Variants in DPT observed in about 807,000 individuals in gnomAD.
DPT encodes the protein tyrosine-rich acidic matrix protein.
A neutral mutation model predicts 31.2 loss-of-function variants in DPT; 21 were observed. That is an observed-to-expected ratio of 0.67 (90% CI 0.48 to 0.97). DPT has a LOEUF of 0.97. DPT is among the 50% of genes least tolerant of loss of function. DPT has a pLI of 0.00. For missense variants in DPT, 262 were observed against 258.8 expected, an observed-to-expected ratio of 1.01 and a Z score of -0.08; for synonymous variants, 91 against 86.9, an observed-to-expected ratio of 1.05 and a Z score of -0.26.
chr1:168,703,901 T>G (rs1649657925), intron 2 of DPT, among the ~76,000 whole-genome samples: 1 of 152,182 alleles, frequency 6.6e-6, no homozygotes, highest in African/African-American at 2.4e-5. Flanking sequence ...GTGGCTGCAT[T>G]TAGCGCTTGA....
At chr1:168,726,747 G>A (rs151129100) in intron 1 of DPT, among the ~76,000 whole-genome samples, 2 of 152,364 alleles carry the variant, frequency 1.3e-5, no homozygotes, top group African/African-American at 4.8e-5. Flanking sequence ...GTTGTAATTA[G>A]GTCATTGCCA....
chr1:168,698,069 C>A (rs562267831), intron 3 of DPT, among the ~76,000 whole-genome samples: 1 of 152,322 alleles, frequency 6.6e-6, no homozygotes, highest in African/African-American at 2.4e-5. Context: ...TGCAAGCCCT[C>A]TTTTCAACAA....
Position 168,718,090 on chromosome 1 carries a change from C to T in DPT, c.306-3744G>A, listed in dbSNP as rs907627905. Among the ~76,000 whole-genome samples the T allele has an allele frequency of 4.6e-5, 7 of 152,370 alleles. No individual in the cohort carries two copies. The South Asian group carries it at 1.2e-3, about 27-fold the overall frequency. Reference sequence around the variant, plus strand: ...CTGTTCTCCTACCATCACTAAAATGCTGCCTTCCTCTAAAACAAAGCCCTT... The same window carrying T: ...CTGTTCTCCTACCATCACTAAAATGTTGCCTTCCTCTAAAACAAAGCCCTT... On this transcript the variant is annotated intron_variant, in intron 1 of 3. Coordinates refer to ENST00000367817, the MANE Select transcript of DPT (RefSeq NM_001937.5).
chr1:168,701,520 G>T (rs1649597041), intron 2 of DPT, among the ~76,000 whole-genome samples: 1 of 152,094 alleles, frequency 6.6e-6, no homozygotes, highest in South Asian at 2.1e-4. Flanking sequence ...CTTTAAAAGA[G>T]ACATAAAATA....
chr1:168,726,837 A>G (rs1408830987), intron 1 of DPT, among the ~76,000 whole-genome samples: 2 of 152,244 alleles, frequency 1.3e-5, no homozygotes, highest in Non-Finnish European at 2.9e-5. Flanking sequence ...CTGAATCAGC[A>G]TCTGTCAGAA....
chr1:168,723,827 A>AT (rs1281591508), intron 1 of DPT, among the ~76,000 whole-genome samples: 1 of 152,024 alleles, frequency 6.6e-6, no homozygotes, highest in Admixed American at 6.6e-5. Flanking sequence ...CCTTATATTT[A>AT]TTTTTTTAAA....
At chr1:168,727,615 G>T (rs1391783545) in intron 1 of DPT, among the ~76,000 whole-genome samples, 1 of 149,140 alleles carries the variant, frequency 6.7e-6, no homozygotes, top group African/African-American at 2.5e-5. Flanking sequence ...ATGGCTCACT[G>T]CAGCCTCGAC....
chr1:168,702,780 T>A (rs1649631254), intron 2 of DPT, among the ~76,000 whole-genome samples: 2 of 151,916 alleles, frequency 1.3e-5, no homozygotes, highest in South Asian at 2.1e-4. Flanking sequence ...CCCAGCTAAT[T>A]TTTGTATTTT....
intron 2 of DPT, among the ~76,000 whole-genome samples, chr1:168,708,137 T>G (rs552592126): frequency 6.6e-6 from 1 of 152,382 alleles, no homozygotes; most frequent in East Asian, 1.9e-4. Flanking sequence ...ATGTGAGTAG[T>G]TATTATACTA....
chr1:168,726,691 C>T (rs939037781), intron 1 of DPT, among the ~76,000 whole-genome samples: 1 of 152,194 alleles, frequency 6.6e-6, no homozygotes, highest in Non-Finnish European at 1.5e-5. Flanking sequence ...AGAAAGGAGT[C>T]GCACCCATGC....
intron 2 of DPT, among the ~76,000 whole-genome samples, chr1:168,702,250 C>T (rs866963958): frequency 1.3e-4 from 20 of 152,158 alleles, no homozygotes; most frequent in Non-Finnish European, 1.6e-4. Flanking sequence ...AAGATCTTCT[C>T]CTCTGCAGAC....
In DPT at chr1:168,696,463, T is replaced by C. The variant is rs565195376; in HGVS notation, c.*86A>G. On this transcript the variant is annotated 3_prime_UTR_variant, in exon 4 of 4. Coordinates refer to ENST00000367817, the MANE Select transcript of DPT (RefSeq NM_001937.5). Reference sequence around the variant, plus strand: ...GGAAAGAGAGCAGCAGAAACTTCTATAGGAGATCCAACTGATGTTAACATA... The same window carrying C: ...GGAAAGAGAGCAGCAGAAACTTCTACAGGAGATCCAACTGATGTTAACATA... 30 of 1,183,502 alleles carry C rather than the reference T, an allele frequency of 2.5e-5. 1 individual carries two copies. In the South Asian group the frequency reaches 3.4e-4, roughly 13 times the overall value. The allele number at this position is 1,183,502 out of a possible 1,614,324, so 73.3% of individuals were successfully genotyped here.
intron 3 of DPT, among the ~76,000 whole-genome samples, chr1:168,698,476 G>A (rs1020087398): frequency 6.6e-6 from 1 of 152,126 alleles, no homozygotes; most frequent in Non-Finnish European, 1.5e-5. Flanking sequence ...CTTATGATCA[G>A]GCATTCAAAC....
At chr1:168,725,008 C>T (rs12755963) in intron 1 of DPT, among the ~76,000 whole-genome samples, 23,466 of 152,220 alleles carry the variant, frequency 0.15, 2,031 homozygotes, top group African/African-American at 0.21. Context: ...CCGTGGAAAG[C>T]TGGCTTGCCC....
chr1:168,702,904 G>A (rs1373275659), intron 2 of DPT, among the ~76,000 whole-genome samples: 3 of 152,082 alleles, frequency 2.0e-5, no homozygotes, highest in South Asian at 2.1e-4. Context: ...GAGCCACTGC[G>A]CCCAGCATGG....
At chr1:168,711,466 C>G (rs1343991285) in intron 2 of DPT, among the ~76,000 whole-genome samples, 1 of 152,184 alleles carries the variant, frequency 6.6e-6, no homozygotes, top group Non-Finnish European at 1.5e-5. Flanking sequence ...ACAGCAGGCT[C>G]TCCCACTCAT....
At chr1:168,727,477 C>A (rs2101915341) in intron 1 of DPT, among the ~76,000 whole-genome samples, 1 of 152,218 alleles carries the variant, frequency 6.6e-6, no homozygotes, top group African/African-American at 2.4e-5. Context: ...TTGGATTTCC[C>A]ATCATCACCT....
chr1:168,703,734 G>A (rs546720448), intron 2 of DPT, among the ~76,000 whole-genome samples: 3 of 152,274 alleles, frequency 2.0e-5, no homozygotes, highest in East Asian at 3.9e-4. Context: ...GTTGGATATC[G>A]ATGGAAATCT....
At chr1:168,700,907 GGGT>G in intron 3 of DPT, 107 bp downstream of exon 3, 10 of 142,726 alleles carry the variant, frequency 7.0e-5, no homozygotes, top group Admixed American at 1.2e-4. Context: ...GTGTGTGTGT[GGGT>G]GTGTGTGTGT....
Sources: allele counts gnomAD v4.1 joint callset (sites outside exome capture counted in the v4.1 genomes callset), GRCh38; gene constraint gnomAD v4.1.1; transcripts MANE v1.5; gene names NCBI Gene and HGNC (gene_info 2026-07-23, HGNC 2026-07-21).